HACE1: variants seen among roughly 807,000 people sequenced by gnomAD.
HACE1 encodes the protein HECT domain and ankyrin repeat containing E3 ubiquitin protein ligase 1.
Under a neutral mutation model 118.4 loss-of-function variants are expected in HACE1, and 73 were observed. The ratio of observed to expected loss-of-function variants is 0.62; its 90% CI spans 0.51 to 0.75. The LOEUF is 0.75. HACE1 is among the 30% of genes least tolerant of loss of function. The probability of loss-of-function intolerance (pLI) is 0.00; values close to 1 mark genes in which losing one functional copy is unlikely to be tolerated. For missense variants in HACE1, 749 were observed against 1,102.2 expected (o/e 0.68, Z 4.54); for synonymous variants, 368 against 374.8 (o/e 0.98, Z 0.21).
chr6:104,834,930 A>G (rs746470794), intron 5 of HACE1, among the ~76,000 whole-genome samples: 6 of 152,250 alleles, frequency 3.9e-5, no homozygotes, highest in Admixed American at 1.3e-4. Context: ...AGAATGCAAG[A>G]GGCTTGAAAA....
At chr6:104,852,432 A>C in intron 1 of HACE1, 61 bp from the exon 2 acceptor site, 1 of 990,936 alleles carries the variant, frequency 1.0e-6, no homozygotes, top group Non-Finnish European at 1.6e-6. Context: ...GTGATACTTA[A>C]GATTAGTTTA....
intron 4 of HACE1, among the ~76,000 whole-genome samples, chr6:104,848,014 G>A (rs866878725): frequency 6.6e-6 from 1 of 151,770 alleles, no homozygotes; most frequent in Admixed American, 6.6e-5. Flanking sequence ...ACCATGCCTG[G>A]ATTATTTTTG....
chr6:104,810,486 T>G (rs768377593), intron 7 of HACE1, among the ~76,000 whole-genome samples: 5 of 152,042 alleles, frequency 3.3e-5, no homozygotes, highest in Non-Finnish European at 5.9e-5. Flanking sequence ...TAAATAAATA[T>G]TACAATTCAT....
chr6:104,793,177 G>A (rs1014739657), intron 10 of HACE1, among the ~76,000 whole-genome samples: 1 of 151,608 alleles, frequency 6.6e-6, no homozygotes, highest in Non-Finnish European at 1.5e-5. Context: ...TGAGGCAGGA[G>A]GATGGCATGA....
chr6:104,796,486 T>A (rs538973546), intron 9 of HACE1, among the ~76,000 whole-genome samples, 169 bp downstream of exon 9: 1 of 152,288 alleles, frequency 6.6e-6, no homozygotes, highest in South Asian at 2.1e-4. Flanking sequence ...GCAAAAACTA[T>A]ATTAATTATT....
At chr6:104,744,673 G>T in intron 20 of HACE1, 63 bp from the exon 21 acceptor site, 1 of 958,412 alleles carries the variant, frequency 1.0e-6, no homozygotes, top group Non-Finnish European at 1.7e-6. Flanking sequence ...TTATATTTAA[G>T]TGGTAAATTT....
chr6:104,751,020 T>TA (rs898265952), intron 19 of HACE1, among the ~76,000 whole-genome samples: 1 of 152,238 alleles, frequency 6.6e-6, no homozygotes, highest in African/African-American at 2.4e-5. Context: ...TCCTGGTCTC[T>TA]AAGGCCCTAA....
At chr6:104,788,391 T>A (rs556698110) in intron 11 of HACE1, among the ~76,000 whole-genome samples, 1 of 152,266 alleles carries the variant, frequency 6.6e-6, no homozygotes, top group East Asian at 1.9e-4. Flanking sequence ...ATAAGCATTT[T>A]AAGTCATATT....
intron 22 of HACE1, among the ~76,000 whole-genome samples, chr6:104,735,328 T>G (rs1775695348): frequency 6.6e-6 from 1 of 151,962 alleles, no homozygotes; most frequent in African/African-American, 2.4e-5. Context: ...ATAAAATAAA[T>G]TATATGAAAG....
chr6:104,750,472 C>G lies in HACE1; in HGVS notation c.2212G>C (p.Ala738Pro). ...GSILVTQNNK[A>P]EYVQLVTELR... is the part of the protein sequence containing the mutation. Reference sequence around the variant, plus strand: ...TCAGTAACAAGCTGGACGTACTCCGCCTGTTGAAAAAGAAGTTTTCATGAT... The same window carrying G: ...TCAGTAACAAGCTGGACGTACTCCGGCTGTTGAAAAAGAAGTTTTCATGAT... Residue 738 changes from alanine (A) to proline (P), a missense_variant and splice_region_variant, in exon 20 of 24, where the codon GCG (alanine) becomes CCG (proline). Coordinates refer to ENST00000262903, the MANE Select transcript of HACE1 (RefSeq NM_020771.4). 6.2e-7 allele frequency: 1 copy of G among 1,613,184 alleles called. No individual in the cohort carries two copies. The highest frequency in any genetic ancestry group is 8.5e-7 in the Non-Finnish European group (1 of 1,179,422).
At chr6:104,789,134 T>G (rs1782731907) in intron 11 of HACE1, among the ~76,000 whole-genome samples, 1 of 152,126 alleles carries the variant, frequency 6.6e-6, no homozygotes, top group Admixed American at 6.5e-5. Flanking sequence ...GAGATCTGAT[T>G]CCCATGGATG....
chr6:104,780,391 A>T, intron 14 of HACE1: 1 of 444,632 alleles, frequency 2.2e-6, no homozygotes, highest in South Asian at 1.6e-5. Flanking sequence ...AGGACTGATT[A>T]TAGAGGCTCC....
rs546322309 is a variant in HACE1, at chr6:104,799,186, T to C, written c.618-2161A>G. Among the ~76,000 whole-genome samples, 5 of 152,338 alleles carry C rather than the reference T, an allele frequency of 3.3e-5. No homozygotes were observed. The South Asian group carries it at 6.2e-4, about 19-fold the overall frequency. On this transcript the variant is annotated intron_variant, in intron 7 of 23. Transcript: ENST00000262903. The stretch of plus-strand genomic sequence containing the variant: ...CTTAACGGTGACACTGTTATAAGCA[T>C]TGTTAAATTAAGCAAACAGGAGGCC...
At chr6:104,786,170 T>A (rs984207508) in intron 11 of HACE1, 1 of 151,668 alleles carries the variant, frequency 6.6e-6, no homozygotes, top group African/African-American at 2.4e-5. Flanking sequence ...TGAAATCCCA[T>A]CTCTACTAAA....
intron 22 of HACE1, among the ~76,000 whole-genome samples, chr6:104,734,111 CCAGCCTGAG>C (rs966150872): frequency 7.1e-6 from 1 of 140,948 alleles, no homozygotes; most frequent in African/African-American, 2.7e-5. Context: ...CGAGTGAGAT[CCAGCCTGAG>C]AAACAGAGCA....
At chr6:104,767,491 C>G (rs1414937384) in intron 19 of HACE1, among the ~76,000 whole-genome samples, 1 of 152,150 alleles carries the variant, frequency 6.6e-6, no homozygotes, top group African/African-American at 2.4e-5. Context: ...CCATTTCAAC[C>G]CATTTTTCAC....
chr6:104,797,310 C>CT (rs1192969060), intron 7 of HACE1, among the ~76,000 whole-genome samples: 506 of 143,872 alleles, frequency 3.5e-3, no homozygotes, highest in African/African-American at 9.0e-3. Context: ...CAGGCTTCTG[C>CT]TTTTTTTTTT....
chr6:104,843,211 G>T lies in HACE1; in HGVS notation c.402+12C>A. On this transcript the variant is annotated intron_variant, in intron 5 of 23. Transcript: ENST00000262903. ...TACTTTTAAAACATCAGATGAAATTGATAGCACTTACTGCTGTAAGGCCTT... is the reference window on the plus strand; with the variant it reads ...TACTTTTAAAACATCAGATGAAATTTATAGCACTTACTGCTGTAAGGCCTT... The T allele has an allele frequency of 2.3e-6, 3 of 1,282,960 alleles. No homozygotes were observed. The highest frequency in any genetic ancestry group is 1.2e-5 in the South Asian group (1 of 84,434). The allele number at this position is 1,282,960 out of a possible 1,614,324, so 79.5% of individuals were successfully genotyped here. A position where few individuals can be genotyped will look rare whatever the true frequency, so the allele number is the denominator to read the frequency against.
intron 19 of HACE1, among the ~76,000 whole-genome samples, chr6:104,763,305 G>C (rs1163482192): frequency 6.6e-6 from 1 of 152,136 alleles, no homozygotes; most frequent in Admixed American, 6.5e-5. Flanking sequence ...TCATAGTACA[G>C]ATTGAGTATC....
Sources: allele counts gnomAD v4.1 joint callset (sites outside exome capture counted in the v4.1 genomes callset), GRCh38; gene constraint gnomAD v4.1.1; transcripts MANE v1.5; gene names NCBI Gene and HGNC (gene_info 2026-07-23, HGNC 2026-07-21).